The following WWOX variants were observed in gnomAD, a reference collection of about 807,000 sequenced individuals.
WWOX encodes WW domain-containing oxidoreductase.
In WWOX, 69 loss-of-function variants were observed where a neutral mutation model predicts 46.2. The ratio of observed to expected loss-of-function variants is 1.49; its 90% CI spans 1.23 to 1.82. The LOEUF (loss-of-function observed/expected upper bound fraction) is 1.82, where lower values mean the gene tolerates loss of function less well. WWOX is among the 40% of genes most tolerant of loss of function. The pLI is 0.00. For synonymous variants in WWOX, 359 were observed against 202.6 expected, an observed-to-expected ratio of 1.77 and a Z score of -6.56; for missense variants, 919 against 542.6, an observed-to-expected ratio of 1.69 and a Z score of -6.89.
chr16:78,945,281 A>T (rs2045927651), intron 8 of WWOX, among the ~76,000 whole-genome samples: 1 of 152,214 alleles, frequency 6.6e-6, no homozygotes, highest in South Asian at 2.1e-4. Flanking sequence ...GTTTCCATGG[A>T]ATATCAAGCA....
rs115584971 is a variant in WWOX, at chr16:78,732,299, C to G, written c.1056+299547C>G. On this transcript the variant is annotated intron_variant, in intron 8 of 8. Coordinates refer to ENST00000566780, the MANE Select transcript of WWOX (RefSeq NM_016373.4). The stretch of plus-strand genomic sequence containing the variant: ...GGTTGTGTCTCTCACTCATGGGATG[C>G]TTACCCTCAAAATTTGGCCACCATG... 8.3e-3 allele frequency among the ~76,000 whole-genome samples: 1,262 copies of G among 152,194 alleles called. 11 individuals are homozygous for G. The highest frequency in any genetic ancestry group is 0.029 in the African/African-American group (1,184 of 41,540).
intron 8 of WWOX, among the ~76,000 whole-genome samples, chr16:78,905,626 C>T (rs1026381146): frequency 2.0e-5 from 3 of 152,078 alleles, no homozygotes; most frequent in Non-Finnish European, 4.4e-5. Flanking sequence ...CGTGAATCTC[C>T]AGCTGTGGCC....
In WWOX at chr16:78,719,466, C is replaced by A. The variant is rs999272639; in HGVS notation, c.1056+286714C>A. 2.3e-4 allele frequency among the ~76,000 whole-genome samples: 35 copies of A among 152,142 alleles called. 1 individual carries two copies. The highest frequency in any genetic ancestry group is 5.9e-4 in the Admixed American group (9 of 15,272). On this transcript the variant is annotated intron_variant, in intron 8 of 8. Coordinates refer to ENST00000566780, the MANE Select transcript of WWOX (RefSeq NM_016373.4). Reference sequence around the variant, plus strand: ...ACTGTCACATGTGCACTGAAAAAGTCGAGAAATGTTATGATGGCCCTGGAA... The same window carrying A: ...ACTGTCACATGTGCACTGAAAAAGTAGAGAAATGTTATGATGGCCCTGGAA...
At chr16:79,010,125 C>G (rs963837563) in intron 8 of WWOX, among the ~76,000 whole-genome samples, 2 of 152,172 alleles carry the variant, frequency 1.3e-5, no homozygotes, top group African/African-American at 2.4e-5. Flanking sequence ...TTACTCATGC[C>G]TAGACTTCTT....
chr16:78,142,420 T>C (rs2034019578), intron 4 of WWOX, among the ~76,000 whole-genome samples: 2 of 152,202 alleles, frequency 1.3e-5, no homozygotes, highest in Admixed American at 1.3e-4. Flanking sequence ...GTAAAAACAT[T>C]ATCAAGCTGC....
chr16:79,086,176 C>G (rs1397882585), intron 8 of WWOX, among the ~76,000 whole-genome samples: 1 of 152,086 alleles, frequency 6.6e-6, no homozygotes, highest in African/African-American at 2.4e-5. Context: ...ACTTTTTTCT[C>G]TTTGTAAAAA....
At chr16:78,903,841 T>C (rs897744043) in intron 8 of WWOX, among the ~76,000 whole-genome samples, 2 of 152,228 alleles carry the variant, frequency 1.3e-5, no homozygotes, top group Admixed American at 6.5e-5. Context: ...TAAAGGAACA[T>C]TCTATTTAGT....
intron 8 of WWOX, among the ~76,000 whole-genome samples, chr16:78,836,316 TA>T (rs2051983101): frequency 1.3e-5 from 2 of 151,896 alleles, no homozygotes; most frequent in South Asian, 4.2e-4. Flanking sequence ...CACAAGGAGG[TA>T]AAACCTTATG....
chr16:78,106,050 C>T (rs2032122434), intron 1 of WWOX, among the ~76,000 whole-genome samples: 1 of 152,222 alleles, frequency 6.6e-6, no homozygotes, highest in Non-Finnish European at 1.5e-5. Context: ...GATCCTCCCG[C>T]CTCGGCCTCC....
chr16:78,152,904 G>GTTT (rs10684196), intron 4 of WWOX, among the ~76,000 whole-genome samples: 1 of 151,734 alleles, frequency 6.6e-6, no homozygotes, highest in African/African-American at 2.4e-5. Flanking sequence ...GAGTTGGTAT[G>GTTT]TTTTTTGATT....
At chr16:78,784,408 C>G (rs1288279505) in intron 8 of WWOX, among the ~76,000 whole-genome samples, 1 of 151,910 alleles carries the variant, frequency 6.6e-6, no homozygotes, top group Non-Finnish European at 1.5e-5. Context: ...CTTAGTTTTT[C>G]TCCACCCAGG....
chr16:78,306,840 C>T (rs557381978), intron 5 of WWOX, among the ~76,000 whole-genome samples: 1 of 152,072 alleles, frequency 6.6e-6, no homozygotes, highest in South Asian at 2.1e-4. Flanking sequence ...CTCACTCCTT[C>T]CCACAATCCC....
chr16:78,205,292 G>GA (rs1374674889), intron 5 of WWOX, among the ~76,000 whole-genome samples: 1 of 152,110 alleles, frequency 6.6e-6, no homozygotes, highest in Non-Finnish European at 1.5e-5. Flanking sequence ...TAGACAAACA[G>GA]AAAAAATGCC....
rs114138967 is a variant in WWOX at position 78,569,732 on chromosome 16, G to A, written c.1056+136980G>A. ...AACGATACTAATTTCATTAGTGAAC[G>A]TTTTCATTTATAAAGTGCTTCTTCC... On this transcript the variant is annotated intron_variant, in intron 8 of 8. Coordinates refer to ENST00000566780, the MANE Select transcript of WWOX (RefSeq NM_016373.4). 4.9e-3 allele frequency among the ~76,000 whole-genome samples: 753 copies of A among 152,278 alleles called. 5 individuals are homozygous for A. Among genetic ancestry groups the A allele is most frequent in the African/African-American group, 0.017 (716 of 41,564 alleles).
At chr16:78,583,973 A>G (rs2045129756) in intron 8 of WWOX, among the ~76,000 whole-genome samples, 1 of 152,212 alleles carries the variant, frequency 6.6e-6, no homozygotes, top group Non-Finnish European at 1.5e-5. Flanking sequence ...CAAACACTTC[A>G]AGAAGGAAAA....
intron 8 of WWOX, among the ~76,000 whole-genome samples, chr16:78,815,923 A>G (rs1056943025): frequency 1.3e-5 from 2 of 152,154 alleles, no homozygotes; most frequent in Admixed American, 6.5e-5. Context: ...TCCCCAACCC[A>G]TTCACTGGCC....
intron 6 of WWOX, among the ~76,000 whole-genome samples, chr16:78,414,216 C>G (rs1446540951): frequency 3.3e-5 from 5 of 152,052 alleles, no homozygotes; most frequent in African/African-American, 9.7e-5. Context: ...CTGCCCTACA[C>G]CTATTTCCCT....
chr16:79,211,032 G>GTGTGTGTGTGTGT lies in WWOX; in HGVS notation c.1057-576_1057-575insTGTGTGTGTGTGT, dbSNP rs755105354. Among the ~76,000 whole-genome samples, 3 of 30,442 alleles carry GTGTGTGTGTGTGT rather than the reference G, an allele frequency of 9.9e-5. No homozygotes were observed. The Admixed American group carries it at 1.1e-3, about 11-fold the overall frequency. 20.0% of individuals were successfully genotyped at this position (30,442 alleles called of 152,430 possible). A position where few individuals can be genotyped will look rare whatever the true frequency, so the allele number is the denominator to read the frequency against. On this transcript the variant is annotated intron_variant, in intron 8 of 8. Transcript: ENST00000566780. The stretch of plus-strand genomic sequence containing the variant: ...TGTGCTAAGTATGAATGTATGGTGA[G>GTGTGTGTGTGTGT]GAGTGTGTGTGTGTGTGTGTGTGTG...
chr16:78,894,439 C>A (rs1157198933), intron 8 of WWOX, among the ~76,000 whole-genome samples: 1 of 152,158 alleles, frequency 6.6e-6, no homozygotes, highest in East Asian at 1.9e-4. Context: ...AAGTCCTAGA[C>A]TATTTTTTGT....
Sources: allele counts gnomAD v4.1 joint callset (sites outside exome capture counted in the v4.1 genomes callset), GRCh38; gene constraint gnomAD v4.1.1; transcripts MANE v1.5; gene names NCBI Gene and HGNC (gene_info 2026-07-23, HGNC 2026-07-21).